SPOCK3: variants seen among roughly 807,000 people sequenced by gnomAD.
SPOCK3 encodes SPARC (osteonectin), cwcv and kazal like domains proteoglycan 3, also known as testican-3.
In SPOCK3, 30 loss-of-function variants were observed where a neutral mutation model predicts 56.6. The ratio of observed to expected loss-of-function variants is 0.53; its 90% CI spans 0.40 to 0.72. SPOCK3 has a LOEUF of 0.72. Among genes scored for constraint, SPOCK3 ranks in the 30% least tolerant of loss-of-function variants. The pLI, the probability that SPOCK3 is intolerant of heterozygous loss-of-function variation, is 0.00. For missense variants in SPOCK3, 527 were observed against 530.0 expected, an observed-to-expected ratio of 0.99 and a Z score of 0.06; for synonymous variants, 196 against 183.3, an observed-to-expected ratio of 1.07 and a Z score of -0.56.
intron 4 of SPOCK3, among the ~76,000 whole-genome samples, chr4:166,981,592 G>A (rs915633114): frequency 1.3e-5 from 2 of 152,158 alleles, no homozygotes; most frequent in African/African-American, 4.8e-5. Flanking sequence ...ATTGGTCCAT[G>A]GGAGTCCACG....
intron 5 of SPOCK3, among the ~76,000 whole-genome samples, chr4:166,904,738 G>T (rs905939219): frequency 6.6e-6 from 1 of 151,814 alleles, no homozygotes; most frequent in Non-Finnish European, 1.5e-5. Flanking sequence ...GATAAAAAGA[G>T]GTTGGTTTAC....
chr4:167,031,900 C>T (rs1049915630), intron 3 of SPOCK3, among the ~76,000 whole-genome samples: 11 of 152,078 alleles, frequency 7.2e-5, no homozygotes, highest in Middle Eastern at 6.8e-3. Flanking sequence ...ATCTGGACCA[C>T]GTACAGGGGT....
At chr4:167,199,920 C>A (rs2110917365) in intron 2 of SPOCK3, among the ~76,000 whole-genome samples, 1 of 150,808 alleles carries the variant, frequency 6.6e-6, no homozygotes, top group African/African-American at 2.4e-5. Context: ...TATGTAATTA[C>A]TAAAAATGAA....
At chr4:166,872,261 T>A (rs1732569617) in intron 6 of SPOCK3, among the ~76,000 whole-genome samples, 1 of 152,028 alleles carries the variant, frequency 6.6e-6, no homozygotes, top group Admixed American at 6.6e-5. Context: ...ACATATAGGA[T>A]ATAGAGAAAT....
At chr4:166,919,768 C>T (rs1300104541) in intron 4 of SPOCK3, among the ~76,000 whole-genome samples, 2 of 152,104 alleles carry the variant, frequency 1.3e-5, no homozygotes, top group Admixed American at 1.3e-4. Context: ...TGCAAGCCAA[C>T]AGATTAAGAA....
At chr4:167,141,659 A>C (rs972592491) in intron 2 of SPOCK3, among the ~76,000 whole-genome samples, 2 of 152,074 alleles carry the variant, frequency 1.3e-5, no homozygotes, top group African/African-American at 4.8e-5. Context: ...ACCTCCAGAA[A>C]GTAGAGCAAA....
At chr4:166,821,472 G>C (rs1744932624) in intron 6 of SPOCK3, among the ~76,000 whole-genome samples, 1 of 152,016 alleles carries the variant, frequency 6.6e-6, no homozygotes, top group Non-Finnish European at 1.5e-5. Flanking sequence ...GTAACACAAG[G>C]ACTTGCATGG....
In SPOCK3 at chr4:166,733,972, C is replaced by A. The variant is rs1733979866; in HGVS notation, c.*949G>T. 6.6e-6 allele frequency: 1 copy of A among 152,148 alleles called. No homozygotes were observed. Among genetic ancestry groups the A allele is most frequent in the South Asian group, 2.1e-4 (1 of 4,830 alleles). 9.4% of individuals were successfully genotyped at this position (152,148 alleles called of 1,614,324 possible). A position where few individuals can be genotyped will look rare whatever the true frequency, so the allele number is the denominator to read the frequency against. On this transcript the variant is annotated 3_prime_UTR_variant, in exon 11 of 11. Coordinates refer to ENST00000357545, the MANE Select transcript of SPOCK3 (RefSeq NM_001040159.2). Reference sequence around the variant, plus strand: ...ACCATACAATAAGTTCTCTAAGTTTCCACACTACTAACAAAAATAACATAA... The same window carrying A: ...ACCATACAATAAGTTCTCTAAGTTTACACACTACTAACAAAAATAACATAA...
intron 8 of SPOCK3, among the ~76,000 whole-genome samples, chr4:166,745,456 C>T (rs914206621): frequency 6.6e-6 from 1 of 152,132 alleles, no homozygotes; most frequent in East Asian, 1.9e-4. Flanking sequence ...TTTCTCACCA[C>T]CAGGCCTGCC....
rs1391141131 is a variant in SPOCK3, at chr4:167,130,012, G to A, written c.190-67475C>T. 2.6e-5 allele frequency among the ~76,000 whole-genome samples: 4 copies of A among 152,010 alleles called. No individual in the cohort carries two copies. In the East Asian group the frequency reaches 7.7e-4, roughly 29 times the overall value. On this transcript the variant is annotated intron_variant, in intron 2 of 10. Transcript: ENST00000357545. ...TCCAATTATGTTTTCCAAAAATAAG[G>A]TTAATTAAAAAAATTTTTTTTGAGA... is the stretch of plus-strand genomic sequence containing the variant.
At chr4:166,852,168 C>T (rs182288063) in intron 6 of SPOCK3, among the ~76,000 whole-genome samples, 5,509 of 151,834 alleles carry the variant, frequency 0.036, 113 homozygotes, top group African/African-American at 0.057. Flanking sequence ...GAGGGGGGAG[C>T]GATAGCATTG....
In SPOCK3 at chr4:167,127,235, T is replaced by G. The variant is rs181841766; in HGVS notation, c.190-64698A>C. 1.3e-4 allele frequency among the ~76,000 whole-genome samples: 20 copies of G among 152,284 alleles called. No individual in the cohort carries two copies. The East Asian group carries it at 3.9e-3, about 29-fold the overall frequency. ...ATTTTGCCTCATATGTGTCAACAGA[T>G]ACTAATTTGCTTTGACAAATACAGG... On this transcript the variant is annotated intron_variant, in intron 2 of 10. Transcript: ENST00000357545.
chr4:166,808,131 C>A (rs899149131), intron 6 of SPOCK3, among the ~76,000 whole-genome samples: 1 of 152,092 alleles, frequency 6.6e-6, no homozygotes, highest in African/African-American at 2.4e-5. Flanking sequence ...GCAAGTAGAA[C>A]TATGAGCATT....
intron 2 of SPOCK3, among the ~76,000 whole-genome samples, chr4:167,217,990 A>T (rs1157422455): frequency 3.3e-5 from 5 of 152,152 alleles, no homozygotes; most frequent in Non-Finnish European, 7.4e-5. Context: ...ACATCACAGT[A>T]TAGTCCAAAA....
chr4:167,151,231 T>G (rs891542205), intron 2 of SPOCK3, among the ~76,000 whole-genome samples: 1 of 152,022 alleles, frequency 6.6e-6, no homozygotes, highest in Admixed American at 6.6e-5. Flanking sequence ...CGTAGTCGAG[T>G]TAAAATTCAT....
intron 2 of SPOCK3, among the ~76,000 whole-genome samples, chr4:167,203,245 A>G (rs1733693250): frequency 6.6e-6 from 1 of 151,962 alleles, no homozygotes; most frequent in South Asian, 2.1e-4. Context: ...TTAGAAATCC[A>G]ATGTTAAAGA....
At chr4:167,058,842 C>A (rs778916054) in intron 3 of SPOCK3, among the ~76,000 whole-genome samples, 1 of 152,050 alleles carries the variant, frequency 6.6e-6, no homozygotes, top group African/African-American at 2.4e-5. Flanking sequence ...TCAGAAATAA[C>A]GCCATGTATC....
At position 167,062,483 on chromosome 4, in the gene SPOCK3, G is replaced by T; in HGVS notation, c.235+9C>A. The T allele has an allele frequency of 6.3e-7, 1 of 1,583,198 alleles. No individual in the cohort carries two copies. Among genetic ancestry groups the T allele is most frequent in the Non-Finnish European group, 8.7e-7 (1 of 1,155,816 alleles). ...AAAGGTTTTTATTTTAAAATAGTTA[G>T]ATTCTTACCCTGATCGAAGGGTTTT... On this transcript the variant is annotated intron_variant, in intron 3 of 10. Coordinates refer to ENST00000357545, the MANE Select transcript of SPOCK3 (RefSeq NM_001040159.2).
At chr4:166,818,973 T>C (rs1328613405) in intron 6 of SPOCK3, among the ~76,000 whole-genome samples, 1 of 152,044 alleles carries the variant, frequency 6.6e-6, no homozygotes, top group Non-Finnish European at 1.5e-5. Flanking sequence ...CCACACATTG[T>C]ATACTTGTGA....
Sources: gnomAD v4.1 joint callset for allele counts (sites outside exome capture counted in the v4.1 genomes callset) on GRCh38, gnomAD v4.1.1 for gene constraint, MANE v1.5 for transcripts, NCBI Gene and HGNC (gene_info 2026-07-23, HGNC 2026-07-21) for gene names.